The following MET variants were observed in gnomAD, a reference collection of about 807,000 sequenced individuals.
The protein encoded by MET is MET proto-oncogene, receptor tyrosine kinase, also known as hepatocyte growth factor receptor.
Under a neutral mutation model 133.1 loss-of-function variants are expected in MET, and 48 were observed. The observed-to-expected ratio is 0.36, with a 90% CI of 0.29 to 0.46. The LOEUF (loss-of-function observed/expected upper bound fraction) is 0.46, where lower values mean the gene tolerates loss of function less well. Ranked by LOEUF, MET falls within the 20% of genes least tolerant of loss-of-function variation. MET has a pLI of 1.00. For missense variants in MET, 1,442 were observed against 1,695.9 expected (o/e 0.85, Z 2.63); for synonymous variants, 628 against 616.5 (o/e 1.02, Z -0.28).
rs1489946351 is a variant in MET, at chr7:116,731,690, G to T, written c.1223G>T (p.Gly408Val). Residue 408 changes from glycine (G) to valine (V), a missense_variant, in exon 3 of 21, where the codon GGC becomes GTC. Gly to Val is a moderately radical substitution (Grantham distance 109, BLOSUM62 -3). Transcript: ENST00000397752. ...FNRTLLRNSS[G>V]CEARRDEYRT... ...CAGACACTTCTGAGAAATTCATCAG[G>T]CTGTGAAGCGCGCCGTGATGAATAT... 1 of 1,614,040 alleles carries T rather than the reference G, an allele frequency of 6.2e-7. No individual in the cohort carries two copies. The highest frequency in any genetic ancestry group is 1.1e-5 in the South Asian group (1 of 91,080).
chr7:116,777,385 A>G lies in MET; in HGVS notation c.3260-4A>G, dbSNP rs864622521. The stretch of plus-strand genomic sequence containing the variant: ...GTGCTAACCAAGTTCTTTCTTTTGC[A>G]CAGGGCATTTTGGTTGTGTATATCA... On this transcript the variant is annotated splice_polypyrimidine_tract_variant and splice_region_variant and intron_variant, in intron 15 of 20. Coordinates refer to ENST00000397752, the MANE Select transcript of MET (RefSeq NM_000245.4). 6.8e-6 allele frequency: 11 copies of G among 1,613,434 alleles called. No individual in the cohort carries two copies. Among genetic ancestry groups the G allele is most frequent in the Non-Finnish European group, 9.3e-6 (11 of 1,179,548 alleles).
rs190785973 is a variant in MET, at chr7:116,707,426, A to T, written c.1200+7142A>T. On this transcript the variant is annotated intron_variant, in intron 2 of 20. Transcript: ENST00000397752. ...CAAATCGTGCCCTAGATAAAAGGAG[A>T]GAATTAAGGTTAGTTTTGATTTGTA... 1.7e-3 allele frequency among the ~76,000 whole-genome samples: 258 copies of T among 152,266 alleles called. 2 individuals are homozygous for T. Among genetic ancestry groups the T allele is most frequent in the African/African-American group, 5.9e-3 (246 of 41,550 alleles).
rs761227260 is a variant in MET at position 116,758,444 on chromosome 7, A to AT, written c.2103-7dup. 4 of 1,611,156 alleles carry AT rather than the reference A, an allele frequency of 2.5e-6. No individual in the cohort carries two copies. The highest frequency in any genetic ancestry group is 1.7e-5 in the Admixed American group (1 of 59,958). ...CTAATAGCTAAAATTCACTTCCTTA[A>AT]TTTTTTTTGTTCAGTGTGTCAAACA... On this transcript the variant is annotated splice_polypyrimidine_tract_variant and intron_variant, in intron 8 of 20. Coordinates refer to ENST00000397752, the MANE Select transcript of MET (RefSeq NM_000245.4).
Position 116,757,476 on chromosome 7 carries a change from C to G in MET, c.1902C>G (p.Phe634Leu), listed in dbSNP as rs772450441. The G allele has an allele frequency of 1.2e-6, 2 of 1,613,662 alleles. No individual in the cohort carries two copies. Among genetic ancestry groups the G allele is most frequent in the Non-Finnish European group, 8.5e-7 (1 of 1,179,934 alleles). ...TTGGTCCTGCCATGAATAAGCATTT[C>G]AATATGTCCATAATTATTTCAAATG... is the stretch of plus-strand genomic sequence containing the variant. ...CTVGPAMNKH[F>L]NMSIIISNGH... The change falls in exon 7 of 21, where the codon TTC becomes TTG. Residue 634 changes from phenylalanine to leucine, a missense_variant. By Grantham distance (22) the Phe-to-Leu change is conservative. This residue lies in a region of MET where 762 missense variants were observed against 792.4 expected (regional missense o/e 0.96). Coordinates refer to ENST00000397752, the MANE Select transcript of MET (RefSeq NM_000245.4).
chr7:116,710,082 T>C (rs1273970296), intron 2 of MET, among the ~76,000 whole-genome samples: 3 of 152,158 alleles, frequency 2.0e-5, no homozygotes, highest in Non-Finnish European at 4.4e-5. Context: ...AAAACACCAA[T>C]TACATTGGGT....
In MET at chr7:116,758,493, G is replaced by T; in HGVS notation, c.2137G>T (p.Ala713Ser). The change falls in exon 9 of 21, where the codon GCC becomes TCC. Residue 713 changes from alanine (A) to serine (S), a missense_variant. By Grantham distance (99) the Ala-to-Ser change is moderately conservative. Coordinates refer to ENST00000397752, the MANE Select transcript of MET (RefSeq NM_000245.4). ...CAGTATTCTTGAATGTTATACCCCA[G>T]CCCAAACCATTTCAACTGAGTTTGC... ...SNSILECYTP[A>S]QTISTEFAVK... 1 of 1,613,642 alleles carries T rather than the reference G, an allele frequency of 6.2e-7. No individual in the cohort carries two copies. The highest frequency in any genetic ancestry group is 8.5e-7 in the Non-Finnish European group (1 of 1,179,814).
chr7:116,678,765 A>G (rs1796248336), intron 1 of MET, among the ~76,000 whole-genome samples: 1 of 152,172 alleles, frequency 6.6e-6, no homozygotes. Context: ...TAGCTATTAA[A>G]TTTTAAACCT....
intron 5 of MET, among the ~76,000 whole-genome samples, chr7:116,754,891 GAGAGAAAGAAAGAAAGAAAGAA>G (rs1794070546): frequency 1.7e-5 from 2 of 117,532 alleles, no homozygotes; most frequent in Non-Finnish European, 3.5e-5. Flanking sequence ...GAGAGAGAAA[GAGAGAAAGAAAGAAAGAAAGAA>G]AGAAAGAAAG....
chr7:116,673,580 C>G (rs1032249086), intron 1 of MET, among the ~76,000 whole-genome samples: 1 of 152,136 alleles, frequency 6.6e-6, no homozygotes, highest in Non-Finnish European at 1.5e-5. Context: ...TTTATTCTGT[C>G]GCTTTCATCA....
chr7:116,786,396 T>A (rs1795317447), intron 19 of MET, among the ~76,000 whole-genome samples: 1 of 151,796 alleles, frequency 6.6e-6, no homozygotes, highest in Admixed American at 6.6e-5. Context: ...CTTTTGAGAG[T>A]CCAAAAGCAA....
At chr7:116,721,251 T>C (rs1481307133) in intron 2 of MET, among the ~76,000 whole-genome samples, 1 of 152,270 alleles carries the variant, frequency 6.6e-6, no homozygotes, top group Non-Finnish European at 1.5e-5. Flanking sequence ...CCATTTCTTC[T>C]AGATTTTCTA....
intron 12 of MET, 30 bp from the exon 13 acceptor site, chr7:116,771,468 T>C: frequency 6.2e-7 from 1 of 1,613,316 alleles, no homozygotes; most frequent in Non-Finnish European, 8.5e-7. Flanking sequence ...CATGGCTAAA[T>C]GCTGACTTTT....
intron 1 of MET, among the ~76,000 whole-genome samples, chr7:116,683,908 T>C (rs1323714356): frequency 1.3e-5 from 2 of 152,214 alleles, no homozygotes; most frequent in Non-Finnish European, 2.9e-5. Flanking sequence ...ATTCCTCCTT[T>C]CTACTTACAA....
At chr7:116,694,344 C>A (rs1796883048) in intron 1 of MET, among the ~76,000 whole-genome samples, 1 of 152,100 alleles carries the variant, frequency 6.6e-6, no homozygotes, top group South Asian at 2.1e-4. Flanking sequence ...GCCCTAGTCC[C>A]ATTTTTTTCT....
chr7:116,681,610 A>T (rs1239501260), intron 1 of MET, among the ~76,000 whole-genome samples: 1 of 152,206 alleles, frequency 6.6e-6, no homozygotes, highest in Non-Finnish European at 1.5e-5. Flanking sequence ...ATAAAGATTC[A>T]AGGAAAGCTT....
intron 17 of MET, 21 bp downstream of exon 17, chr7:116,778,978 A>C (rs2117048812): frequency 8.1e-6 from 13 of 1,612,912 alleles, no homozygotes; most frequent in Non-Finnish European, 1.1e-5. Context: ...TGCCAAGCTT[A>C]CTAACTGGCA....
At chr7:116,748,180 C>T (rs941321234) in intron 5 of MET, among the ~76,000 whole-genome samples, 2 of 152,130 alleles carry the variant, frequency 1.3e-5, no homozygotes, top group African/African-American at 2.4e-5. Context: ...GGAGGCGGAG[C>T]TTGTAGTGAG....
At chr7:116,761,615 G>T (rs17138980) in intron 10 of MET, among the ~76,000 whole-genome samples, 2,635 of 152,178 alleles carry the variant, frequency 0.017, 71 homozygotes, top group African/African-American at 0.056. Flanking sequence ...TTGTTAACAT[G>T]TGCATTATGC....
chr7:116,760,762 G>A (rs749598612), intron 10 of MET, among the ~76,000 whole-genome samples: 17 of 152,120 alleles, frequency 1.1e-4, no homozygotes, highest in Non-Finnish European at 1.5e-4. Context: ...CAGCCACATT[G>A]CATCACCTCT....
Sources: gnomAD v4.1 joint callset for allele counts (sites outside exome capture counted in the v4.1 genomes callset) on GRCh38, gnomAD v4.1.1 for gene constraint, gnomAD v4.1.1 regional missense constraint, MANE v1.5 for transcripts, NCBI Gene and HGNC (gene_info 2026-07-23, HGNC 2026-07-21) for gene names.